LRP1B: variants seen among roughly 807,000 people sequenced by gnomAD.
LRP1B encodes low-density lipoprotein receptor-related protein 1B.
Under a neutral mutation model 556.6 loss-of-function variants are expected in LRP1B, and 217 were observed. The ratio of observed to expected loss-of-function variants is 0.39; its 90% CI spans 0.35 to 0.44. The LOEUF (loss-of-function observed/expected upper bound fraction) is 0.44. LRP1B is among the 20% of genes least tolerant of loss of function. The pLI, the probability that LRP1B is intolerant of heterozygous loss-of-function variation, is 1.00. For missense variants in LRP1B, 5,053 were observed against 5,620.8 expected, an observed-to-expected ratio of 0.90 and a Z score of 3.23; for synonymous variants, 2,047 against 1,865.8, an observed-to-expected ratio of 1.10 and a Z score of -2.50.
intron 16 of LRP1B, chr2:140,992,770 G>C (rs1697130123): frequency 1.3e-5 from 2 of 151,954 alleles, no homozygotes; most frequent in African/African-American, 4.8e-5. Context: ...TTTACCCTCA[G>C]ACGAAAGGTT....
intron 18 of LRP1B, among the ~76,000 whole-genome samples, chr2:140,954,916 A>C (rs1695828476): frequency 6.6e-6 from 1 of 152,018 alleles, no homozygotes; most frequent in Admixed American, 6.6e-5. Flanking sequence ...GCTGAAGGGA[A>C]ATCACTGAAG....
At chr2:141,113,382 G>A (rs915701461) in intron 7 of LRP1B, among the ~76,000 whole-genome samples, 2 of 152,088 alleles carry the variant, frequency 1.3e-5, no homozygotes, top group African/African-American at 4.8e-5. Flanking sequence ...AGGGTGACTT[G>A]CCTTAAAACA....
chr2:140,258,378 A>AGG (rs1279308025), intron 86 of LRP1B, among the ~76,000 whole-genome samples: 2 of 151,894 alleles, frequency 1.3e-5, no homozygotes, highest in South Asian at 4.2e-4. Context: ...AAGGTAATTG[A>AGG]GGGAGGACAC....
intron 2 of LRP1B, among the ~76,000 whole-genome samples, chr2:141,678,012 C>A (rs1194724790): frequency 6.6e-6 from 1 of 152,046 alleles, no homozygotes; most frequent in East Asian, 1.9e-4. Flanking sequence ...TCCAATATTA[C>A]CACTGGATGA....
intron 31 of LRP1B, among the ~76,000 whole-genome samples, chr2:140,820,550 G>A (rs954367060): frequency 1.3e-5 from 2 of 152,044 alleles, no homozygotes; most frequent in African/African-American, 4.8e-5. Context: ...TGTGCCTTGT[G>A]AAAATAACAC....
At chr2:140,694,176 C>T (rs72907437) in intron 41 of LRP1B, among the ~76,000 whole-genome samples, 1,530 of 152,246 alleles carry the variant, frequency 0.01, 9 homozygotes, top group Admixed American at 0.019. Context: ...ATATACTTAG[C>T]TACAGTGTAA....
intron 35 of LRP1B, among the ~76,000 whole-genome samples, chr2:140,722,500 G>A (rs559544101): frequency 6.6e-6 from 1 of 152,052 alleles, no homozygotes; most frequent in African/African-American, 2.4e-5. Context: ...TTCATATCTG[G>A]CTAATTCAAC....
intron 35 of LRP1B, among the ~76,000 whole-genome samples, chr2:140,744,000 T>TAAAAAAAAAAAAAAAAAAAAAAAAA: frequency 2.2e-5 from 1 of 46,144 alleles, no homozygotes. Flanking sequence ...AAGTAAAAAG[T>TAAAAAAAAAAAAAAAAAAAAAAAAA]AAAATCCATA....
At chr2:141,018,177 C>T (rs369789172) in intron 12 of LRP1B, among the ~76,000 whole-genome samples, 3 of 152,126 alleles carry the variant, frequency 2.0e-5, no homozygotes, top group East Asian at 3.9e-4. Context: ...ATCTGGCCTT[C>T]TGCTAATATA....
intron 11 of LRP1B, among the ~76,000 whole-genome samples, chr2:141,047,993 G>A (rs189595069): frequency 1.3e-5 from 2 of 152,130 alleles, no homozygotes; most frequent in East Asian, 3.9e-4. Context: ...CTTCAAGACA[G>A]CTTTGAACTT....
chr2:141,515,544 C>T (rs2200191), intron 2 of LRP1B, among the ~76,000 whole-genome samples: 148,051 of 152,252 alleles, frequency 0.97, 72,116 homozygotes, highest in East Asian at 1. Flanking sequence ...ATACTAGATA[C>T]TTAACAAATA....
chr2:141,111,565 A>T (rs1377375800), intron 7 of LRP1B, among the ~76,000 whole-genome samples: 2 of 152,184 alleles, frequency 1.3e-5, no homozygotes, highest in Non-Finnish European at 2.9e-5. Context: ...ACATGGCCAC[A>T]GTGGACTAAG....
chr2:140,604,717 T>A (rs1348163), intron 41 of LRP1B, among the ~76,000 whole-genome samples: 62,171 of 151,926 alleles, frequency 0.41, 12,990 homozygotes, highest in Middle Eastern at 0.5. Flanking sequence ...GGATGGGTCC[T>A]CACCCAAATC....
At chr2:140,332,544 C>T (rs974773976) in intron 79 of LRP1B, among the ~76,000 whole-genome samples, 2 of 152,068 alleles carry the variant, frequency 1.3e-5, no homozygotes, top group Admixed American at 1.3e-4. Flanking sequence ...ACATACCCTC[C>T]TTCTCCAGAT....
At chr2:140,699,768 T>C (rs974003802) in intron 41 of LRP1B, among the ~76,000 whole-genome samples, 8 of 148,074 alleles carry the variant, frequency 5.4e-5, no homozygotes, top group East Asian at 1.9e-4. Flanking sequence ...ATCTGCTACA[T>C]ATACATGATA....
chr2:140,332,858 C>T (rs556678763), intron 79 of LRP1B, among the ~76,000 whole-genome samples: 1 of 152,102 alleles, frequency 6.6e-6, no homozygotes, highest in East Asian at 1.9e-4. Context: ...CAAACTGCTG[C>T]CAGTGTCATT....
chr2:140,659,321 A>G (rs1446688175), intron 41 of LRP1B, among the ~76,000 whole-genome samples: 1 of 151,850 alleles, frequency 6.6e-6, no homozygotes, highest in Non-Finnish European at 1.5e-5. Flanking sequence ...ATATGGAATG[A>G]TACTACCCTG....
chr2:141,273,235 G>A (rs1685155891), intron 3 of LRP1B, among the ~76,000 whole-genome samples: 1 of 151,996 alleles, frequency 6.6e-6, no homozygotes, highest in Non-Finnish European at 1.5e-5. Context: ...CTTGTACCCA[G>A]GAGGTAGGGG....
chr2:141,308,418 T>C (rs1686681594), intron 3 of LRP1B, among the ~76,000 whole-genome samples: 2 of 152,234 alleles, frequency 1.3e-5, no homozygotes, highest in African/African-American at 2.4e-5. Flanking sequence ...AAGTCATTTC[T>C]AGCTGATAAC....
Sources: allele counts gnomAD v4.1 joint callset (sites outside exome capture counted in the v4.1 genomes callset), GRCh38; gene constraint gnomAD v4.1.1; transcripts MANE v1.5; gene names NCBI Gene and HGNC (gene_info 2026-07-23, HGNC 2026-07-21).